ZNF131: variants seen among roughly 807,000 people sequenced by gnomAD.
ZNF131 encodes zinc finger protein 131.
A neutral mutation model predicts 60.0 loss-of-function variants in ZNF131; 7 were observed. The ratio of observed to expected loss-of-function variants is 0.12; its 90% CI spans 0.07 to 0.22. The LOEUF (loss-of-function observed/expected upper bound fraction) is 0.22. Ranked by LOEUF, ZNF131 falls within the 10% of genes least tolerant of loss-of-function variation. ZNF131 has a pLI of 1.00. For synonymous variants in ZNF131, 257 were observed against 253.2 expected (o/e 1.01, Z -0.14); for missense variants, 493 against 740.9 (o/e 0.67, Z 3.88).
chr5:43,158,679 T>C (rs1018453225), intron 4 of ZNF131, among the ~76,000 whole-genome samples: 1 of 152,202 alleles, frequency 6.6e-6, no homozygotes, highest in African/African-American at 2.4e-5. Context: ...CAACATACCT[T>C]TTGTGGGAAC....
At chr5:43,164,167 C>T (rs56923657) in intron 5 of ZNF131, among the ~76,000 whole-genome samples, 14,776 of 152,240 alleles carry the variant, frequency 0.097, 853 homozygotes, top group East Asian at 0.19. Context: ...CATCCACTTA[C>T]ATGCAGATTT....
intron 4 of ZNF131, among the ~76,000 whole-genome samples, chr5:43,148,376 C>T (rs574104591): frequency 1.3e-5 from 2 of 152,292 alleles, no homozygotes; most frequent in South Asian, 4.1e-4. Context: ...GAGACCCTGT[C>T]TCAAAATAAA....
chr5:43,157,787 T>C (rs958920277), intron 4 of ZNF131, among the ~76,000 whole-genome samples: 1 of 152,222 alleles, frequency 6.6e-6, no homozygotes, highest in Non-Finnish European at 1.5e-5. Context: ...AGCATCGTTT[T>C]TGCCTCTTCT....
chr5:43,163,419 G>T (rs1302715830), intron 5 of ZNF131, among the ~76,000 whole-genome samples: 1 of 152,332 alleles, frequency 6.6e-6, no homozygotes, highest in South Asian at 2.1e-4. Context: ...GGAGAATAAG[G>T]TCTTTATACT....
chr5:43,131,209 G>A (rs531965685), intron 3 of ZNF131, among the ~76,000 whole-genome samples: 35 of 150,848 alleles, frequency 2.3e-4, no homozygotes, highest in South Asian at 1.9e-3. Flanking sequence ...AGTTTTGCTC[G>A]TTGCCCAAGC....
At chr5:43,130,714 A>G (rs990532494) in intron 3 of ZNF131, among the ~76,000 whole-genome samples, 2 of 151,544 alleles carry the variant, frequency 1.3e-5, no homozygotes, top group Admixed American at 1.3e-4. Context: ...ACAGGCATGC[A>G]CCACCATGCC....
intron 4 of ZNF131, among the ~76,000 whole-genome samples, chr5:43,157,593 C>T (rs1398921057): frequency 6.6e-6 from 1 of 152,192 alleles, no homozygotes; most frequent in Non-Finnish European, 1.5e-5. Context: ...ACTCTTCCTG[C>T]AACCACCTTC....
intron 5 of ZNF131, among the ~76,000 whole-genome samples, chr5:43,171,877 C>A (rs1000806943): frequency 2.0e-5 from 3 of 152,164 alleles, no homozygotes; most frequent in African/African-American, 7.2e-5. Flanking sequence ...ACCTCGGCCT[C>A]CCAAAGTGCT....
intron 4 of ZNF131, among the ~76,000 whole-genome samples, chr5:43,147,394 CTT>C (rs769222605): frequency 6.6e-6 from 1 of 151,008 alleles, no homozygotes; most frequent in South Asian, 2.1e-4. Context: ...TTTTTTAAAT[CTT>C]TTTTTTATTT....
chr5:43,145,598 A>G (rs782977), intron 4 of ZNF131, among the ~76,000 whole-genome samples: 41,949 of 152,038 alleles, frequency 0.28, 6,369 homozygotes, highest in East Asian at 0.63. Flanking sequence ...GGTTGCAGTA[A>G]GCCAAGATCG....
At chr5:43,147,711 G>A (rs775143850) in intron 4 of ZNF131, among the ~76,000 whole-genome samples, 7 of 149,008 alleles carry the variant, frequency 4.7e-5, no homozygotes, top group Admixed American at 1.3e-4. Flanking sequence ...GTGAGCCACC[G>A]CGCCCGGCCA....
chr5:43,134,698 T>TTTC (rs1745820251), intron 3 of ZNF131, among the ~76,000 whole-genome samples: 1 of 136,982 alleles, frequency 7.3e-6, no homozygotes, highest in Non-Finnish European at 1.6e-5. Flanking sequence ...TTTTTCTTTT[T>TTTC]TTTTTTTTTT....
In ZNF131 at chr5:43,175,185, T is replaced by A. The variant is rs759564011; in HGVS notation, c.*52T>A. 3 of 1,503,736 alleles carry A rather than the reference T, an allele frequency of 2.0e-6. No individual in the cohort carries two copies. Among genetic ancestry groups the A allele is most frequent in the East Asian group, 2.4e-5 (1 of 40,952 alleles). The allele number at this position is 1,503,736 out of a possible 1,614,324, so 93.1% of individuals were successfully genotyped here. A position where few individuals can be genotyped will look rare whatever the true frequency, so the allele number is the denominator to read the frequency against. On this transcript the variant is annotated 3_prime_UTR_variant, in exon 7 of 7. Coordinates refer to ENST00000682664, the MANE Select transcript of ZNF131 (RefSeq NM_001330707.2). ...TTACTTGTTGGGTTTTTGAACTGAT[T>A]ATGGGCAGTTTGACTGTCCTTAATT...
At chr5:43,172,320 A>G (rs1157725795) in intron 5 of ZNF131, among the ~76,000 whole-genome samples, 41 of 152,232 alleles carry the variant, frequency 2.7e-4, no homozygotes, top group Admixed American at 2.4e-3. Flanking sequence ...GGTTTTTACT[A>G]TCACTTAACC....
At chr5:43,173,534 C>G (rs1481742040) in intron 6 of ZNF131, 86 bp downstream of exon 6, 1 of 1,505,096 alleles carries the variant, frequency 6.6e-7, no homozygotes, top group Non-Finnish European at 9.0e-7. Flanking sequence ...GAGTCTCAAG[C>G]AAAGGTATAG....
At chr5:43,171,977 T>C (rs556366728) in intron 5 of ZNF131, among the ~76,000 whole-genome samples, 1 of 152,300 alleles carries the variant, frequency 6.6e-6, no homozygotes, top group East Asian at 1.9e-4. Context: ...GCTGTTCCCG[T>C]CAAGCAATCC....
intron 5 of ZNF131, among the ~76,000 whole-genome samples, chr5:43,163,112 A>G (rs974656012): frequency 6.0e-5 from 9 of 150,884 alleles, no homozygotes; most frequent in African/African-American, 1.7e-4. Context: ...AGCTGGGACT[A>G]CAGGCGAGCA....
At chr5:43,137,791 A>G (rs1401089876) in intron 3 of ZNF131, among the ~76,000 whole-genome samples, 1 of 152,246 alleles carries the variant, frequency 6.6e-6, no homozygotes, top group Admixed American at 6.5e-5. Flanking sequence ...TGTTCATTGC[A>G]GCACTATTTA....
intron 4 of ZNF131, among the ~76,000 whole-genome samples, chr5:43,149,186 G>A (rs1268182690): frequency 1.3e-5 from 2 of 151,898 alleles, no homozygotes; most frequent in Non-Finnish European, 2.9e-5. Context: ...GGGGAGAATC[G>A]CTTGAACCTG....
Sources: gnomAD v4.1 joint callset for allele counts (sites outside exome capture counted in the v4.1 genomes callset) on GRCh38, gnomAD v4.1.1 for gene constraint, MANE v1.5 for transcripts, NCBI Gene and HGNC (gene_info 2026-07-23, HGNC 2026-07-21) for gene names.